Variants in HPS1 observed in about 807,000 individuals in gnomAD.
HPS1 encodes HPS1 biogenesis of lysosomal organelles complex 3 subunit 1.
Under a neutral mutation model 90.6 loss-of-function variants are expected in HPS1, and 59 were observed. The observed-to-expected ratio is 0.65, with a 90% CI of 0.53 to 0.81. HPS1 has a LOEUF of 0.81. HPS1 is among the 30% of genes least tolerant of loss of function. The pLI is 0.00. For missense variants in HPS1, 849 were observed against 896.7 expected, an observed-to-expected ratio of 0.95 and a Z score of 0.68; for synonymous variants, 388 against 384.4, an observed-to-expected ratio of 1.01 and a Z score of -0.11.
At chr10:98,436,397 A>G (rs1847327127) in intron 3 of HPS1, among the ~76,000 whole-genome samples, 1 of 152,256 alleles carries the variant, frequency 6.6e-6, no homozygotes, top group South Asian at 2.1e-4. Flanking sequence ...GTGAATGCAT[A>G]GAAAAAACGA....
At position 98,435,504 on chromosome 10, in the gene HPS1, G is replaced by A. The variant is rs1847189973; in HGVS notation, c.256-90C>T. 6.2e-6 allele frequency: 10 copies of A among 1,609,834 alleles called. No homozygotes were observed. In the East Asian group the frequency reaches 2.2e-4, roughly 36 times the overall value. On this transcript the variant is annotated intron_variant, in intron 4 of 19. Coordinates refer to ENST00000361490, the MANE Select transcript of HPS1 (RefSeq NM_000195.5). This position sits in a 1 kb window ranked among gnomAD's most constrained non-coding sequence, Gnocchi z 4.3. ...CTGCAGACAAGCCAGGGGAGGCTCGGGTCCCAGGCGGGTTTGATAAGATGC... is the reference window on the plus strand; with the variant it reads ...CTGCAGACAAGCCAGGGGAGGCTCGAGTCCCAGGCGGGTTTGATAAGATGC...
chr10:98,427,772 T>C (rs1300257744), intron 10 of HPS1, among the ~76,000 whole-genome samples: 8 of 152,232 alleles, frequency 5.3e-5, no homozygotes. Flanking sequence ...CACAAAAACC[T>C]ACTGAACCCA....
At chr10:98,438,748 T>G (rs1477105251) in intron 3 of HPS1, among the ~76,000 whole-genome samples, 3 of 152,240 alleles carry the variant, frequency 2.0e-5, no homozygotes, top group African/African-American at 7.2e-5. Context: ...AAGCCCTGGC[T>G]GCAGAAATTT....
At position 98,422,396 on chromosome 10, in the gene HPS1, C is replaced by A. The variant is rs1167922537; in HGVS notation, c.1716G>T (p.Gly572=). 2 of 1,614,142 alleles carry A rather than the reference C, an allele frequency of 1.2e-6. No homozygotes were observed. Among genetic ancestry groups the A allele is most frequent in the Non-Finnish European group, 1.7e-6 (2 of 1,180,024 alleles). ...SQKTSSELGK[G]PLAAFVKTKV... ...TAGTTTTGACAAAGGCAGCCAGCGG[C>A]CCCTTGCCCAACTCCGACGAGGTCT... Residue 572 remains glycine (G), a synonymous_variant, in exon 17 of 20, where the codon GGG becomes GGT. Coordinates refer to ENST00000361490, the MANE Select transcript of HPS1 (RefSeq NM_000195.5).
intron 16 of HPS1, 131 bp downstream of exon 16, chr10:98,423,472 G>C: frequency 2.4e-6 from 2 of 846,380 alleles, no homozygotes; most frequent in Non-Finnish European, 4.1e-6. Context: ...CTTCAGAGAG[G>C]TGGTGAGCAG....
intron 8 of HPS1, among the ~76,000 whole-genome samples, chr10:98,430,140 G>A (rs938377036): frequency 4.6e-5 from 7 of 152,228 alleles, no homozygotes; most frequent in African/African-American, 1.4e-4. Flanking sequence ...GGTCAACAGC[G>A]ATGGTGGTGG....
At chr10:98,438,763 A>G (rs1010853536) in intron 3 of HPS1, among the ~76,000 whole-genome samples, 1 of 152,228 alleles carries the variant, frequency 6.6e-6, no homozygotes, top group Non-Finnish European at 1.5e-5. Context: ...AAATTTGCAT[A>G]AATAATGAAG....
chr10:98,420,203 T>G (rs960440164), intron 17 of HPS1, 45 bp from the exon 18 acceptor site: 4 of 1,405,492 alleles, frequency 2.8e-6, no homozygotes, highest in Non-Finnish European at 4.0e-6. Context: ...AGCCTTGGTC[T>G]GCCTGGGCAG....
intron 8 of HPS1, 40 bp downstream of exon 8, chr10:98,430,531 C>T (rs1206738349): frequency 2.7e-6 from 4 of 1,484,630 alleles, no homozygotes; most frequent in Admixed American, 2.0e-5. Flanking sequence ...TGAACTACCT[C>T]CCTAATGGCC....
chr10:98,442,014 C>T (rs1258518901), intron 3 of HPS1, among the ~76,000 whole-genome samples: 1 of 152,200 alleles, frequency 6.6e-6, no homozygotes, highest in Non-Finnish European at 1.5e-5. Context: ...TATACATAGA[C>T]TTGTACGTGC....
chr10:98,415,590 G>A (rs760591709), downstream of HPS1, among the ~76,000 whole-genome samples: 3 of 152,228 alleles, frequency 2.0e-5, no homozygotes, highest in African/African-American at 4.8e-5. Context: ...GCAAGTGCTC[G>A]TGTCAGACTC....
chr10:98,422,068 T>A (rs550597785), intron 17 of HPS1, among the ~76,000 whole-genome samples: 1 of 152,084 alleles, frequency 6.6e-6, no homozygotes, highest in African/African-American at 2.4e-5. Context: ...AAAATACAAC[T>A]TTGTCATGAA....
intron 2 of HPS1, among the ~76,000 whole-genome samples, chr10:98,443,865 T>C (rs982427161): frequency 2.0e-5 from 3 of 152,050 alleles, no homozygotes; most frequent in African/African-American, 7.2e-5. Flanking sequence ...AAACCCCGTC[T>C]CTACTAAAAA....
chr10:98,427,784 C>G (rs1050360566), intron 10 of HPS1, among the ~76,000 whole-genome samples: 1 of 152,192 alleles, frequency 6.6e-6, no homozygotes, highest in Non-Finnish European at 1.5e-5. Context: ...CTGAACCCAC[C>G]ACATATCTGA....
At chr10:98,433,231 CAA>C (rs35145578) in intron 6 of HPS1, among the ~76,000 whole-genome samples, 19 of 85,362 alleles carry the variant, frequency 2.2e-4, no homozygotes, top group Admixed American at 5.7e-4. Context: ...GACTCCATCT[CAA>C]AAAAAAAAAA....
rs1844649182 is a variant in HPS1, at chr10:98,420,047, T to C, written c.1855A>G (p.Met619Val). The C allele has an allele frequency of 1.9e-6, 3 of 1,605,668 alleles. No homozygotes were observed. The highest frequency in any genetic ancestry group is 1.1e-5 in the South Asian group (1 of 90,918). The change falls in exon 18 of 20, where the codon ATG (methionine) becomes GTG (valine). Residue 619 changes from methionine to valine, a missense_variant and splice_region_variant. Coordinates refer to ENST00000361490, the MANE Select transcript of HPS1 (RefSeq NM_000195.5). ...CCCAGGGACTCAGCCTCACCTACCA[T>C]GTCATTCTCGAACCACAGGAAGTAG... ...CSYFLWFEND[M>V]GYKLQMIEVP...
intron 17 of HPS1, chr10:98,420,430 C>A (rs1844705611): frequency 2.5e-6 from 1 of 407,944 alleles, no homozygotes; most frequent in Non-Finnish European, 4.7e-6. Context: ...AATTAGTGAA[C>A]TGGGCTAGTG....
At chr10:98,429,964 T>C (rs928355906) in intron 8 of HPS1, 75 bp from the exon 9 acceptor site, 1 of 1,376,528 alleles carries the variant, frequency 7.3e-7, no homozygotes, top group Non-Finnish European at 1.0e-6. Context: ...CTCCCAGCGC[T>C]TCACAGAGAA....
In HPS1 at chr10:98,425,697, C is replaced by A. The variant is rs755030855; in HGVS notation, c.1179G>T (p.Leu393=). Residue 393 remains leucine, a synonymous_variant, in exon 13 of 20, where the codon CTG becomes CTT. Transcript: ENST00000361490. Reference sequence around the variant, plus strand: ...AGCCATCCATCAGCTGGGACAGAACCAGGGCCAGGGGCGCGCTGGGGCTCT... The same window carrying A: ...AGCCATCCATCAGCTGGGACAGAACAAGGGCCAGGGGCGCGCTGGGGCTCT... The part of the protein sequence containing the change: ...LTRSPSAPLA[L]VLSQLMDGFS... 6.2e-7 allele frequency: 1 copy of A among 1,612,172 alleles called. No individual in the cohort carries two copies. The highest frequency in any genetic ancestry group is 1.3e-5 in the African/African-American group (1 of 74,886).
Sources: allele counts gnomAD v4.1 joint callset (sites outside exome capture counted in the v4.1 genomes callset), GRCh38; gene constraint gnomAD v4.1.1; non-coding constraint Gnocchi (gnomAD v3.1); transcripts MANE v1.5; gene names NCBI Gene and HGNC (gene_info 2026-07-23, HGNC 2026-07-21).